Variants in DNAI3 observed in about 807,000 individuals in gnomAD.
The protein encoded by DNAI3 is dynein axonemal intermediate chain 3, also known as WD repeat domain 63.
Under a neutral mutation model 115.5 loss-of-function variants are expected in DNAI3, and 83 were observed. The observed-to-expected ratio is 0.72, with a 90% CI of 0.60 to 0.86. The LOEUF (loss-of-function observed/expected upper bound fraction) is 0.86, where lower values mean the gene tolerates loss of function less well. Ranked by LOEUF, DNAI3 falls within the 40% of genes least tolerant of loss-of-function variation. The pLI is 0.00. For missense variants in DNAI3, 1,004 were observed against 1,075.8 expected, an observed-to-expected ratio of 0.93 and a Z score of 0.93; for synonymous variants, 320 against 347.0, an observed-to-expected ratio of 0.92 and a Z score of 0.86.
intron 13 of DNAI3, chr1:85,099,348 C>T: frequency 1.1e-6 from 1 of 900,536 alleles, no homozygotes; most frequent in Non-Finnish European, 1.3e-6. Flanking sequence ...AGACAGAGAG[C>T]CAAATCATGA....
chr1:85,106,979 C>G (rs535889028), intron 14 of DNAI3, among the ~76,000 whole-genome samples: 1 of 152,260 alleles, frequency 6.6e-6, no homozygotes, highest in East Asian at 1.9e-4. Flanking sequence ...GGGGTGATTT[C>G]TTAGACATTA....
chr1:85,079,986 C>T (rs1218307907), intron 3 of DNAI3, among the ~76,000 whole-genome samples: 3 of 151,730 alleles, frequency 2.0e-5, no homozygotes, highest in African/African-American at 7.3e-5. Flanking sequence ...AAAAGAGAAG[C>T]CCTAAAGAGC....
chr1:85,130,171 G>T (rs1656271535), intron 22 of DNAI3, 59 bp downstream of exon 22: 2 of 1,603,820 alleles, frequency 1.2e-6, no homozygotes, highest in South Asian at 2.2e-5. Flanking sequence ...AAATATATTT[G>T]TTTGGCTTAA....
chr1:85,115,320 G>C (rs1655784683), intron 16 of DNAI3, among the ~76,000 whole-genome samples: 1 of 152,226 alleles, frequency 6.6e-6, no homozygotes, highest in African/African-American at 2.4e-5. Flanking sequence ...CCATGTGTGA[G>C]ACCTTGCATA....
chr1:85,108,415 CTG>C (rs923933062), intron 15 of DNAI3, among the ~76,000 whole-genome samples: 6 of 152,038 alleles, frequency 3.9e-5, no homozygotes, highest in African/African-American at 1.4e-4. Context: ...TTTGTGTAAT[CTG>C]TGTAATACAC....
At chr1:85,128,259 T>C (rs764840947) in intron 20 of DNAI3, among the ~76,000 whole-genome samples, 2 of 152,198 alleles carry the variant, frequency 1.3e-5, no homozygotes, top group African/African-American at 4.8e-5. Context: ...AGACCTGTGA[T>C]TCTGGCTACA....
At chr1:85,074,420 C>G (rs899240669) in intron 3 of DNAI3, among the ~76,000 whole-genome samples, 7 of 152,196 alleles carry the variant, frequency 4.6e-5, no homozygotes, top group Admixed American at 4.6e-4. Context: ...CTTCGCCAAC[C>G]TACAGCCCAT....
chr1:85,078,582 G>T (rs1456880728), intron 3 of DNAI3, among the ~76,000 whole-genome samples: 1 of 152,224 alleles, frequency 6.6e-6, no homozygotes, highest in Non-Finnish European at 1.5e-5. Context: ...TGGCCTCATT[G>T]CTGTAGCCTA....
chr1:85,072,611 C>T (rs1654310858), intron 2 of DNAI3, among the ~76,000 whole-genome samples: 1 of 146,096 alleles, frequency 6.8e-6, no homozygotes, highest in Admixed American at 7.0e-5. Flanking sequence ...CACTGCACTC[C>T]AGCCTGGGCA....
At chr1:85,080,283 C>T (rs1240419898) in intron 3 of DNAI3, among the ~76,000 whole-genome samples, 1 of 152,026 alleles carries the variant, frequency 6.6e-6, no homozygotes, top group Non-Finnish European at 1.5e-5. Flanking sequence ...GATCTCCTGA[C>T]CTCGTGATCC....
At chr1:85,112,350 A>C (rs1655684904) in intron 16 of DNAI3, among the ~76,000 whole-genome samples, 1 of 152,222 alleles carries the variant, frequency 6.6e-6, no homozygotes, top group South Asian at 2.1e-4. Flanking sequence ...GTTGATAAAC[A>C]TTTGGATTTT....
intron 3 of DNAI3, among the ~76,000 whole-genome samples, chr1:85,074,130 T>G (rs1350745001): frequency 6.6e-6 from 1 of 152,154 alleles, no homozygotes; most frequent in East Asian, 1.9e-4. Flanking sequence ...TCCACCTGTT[T>G]TAAAATATAT....
At position 85,088,116 on chromosome 1, in the gene DNAI3, A is replaced by G. The variant is rs533033508; in HGVS notation, c.741-2000A>G. On this transcript the variant is annotated intron_variant, in intron 7 of 22. Coordinates refer to ENST00000294664, the MANE Select transcript of DNAI3 (RefSeq NM_145172.5). ...GCAAGAGAGGAAGGAGAGAGGTGAT[A>G]TATTAGTACCAAATGAACTTGAATT... Among the ~76,000 whole-genome samples the G allele has an allele frequency of 2.1e-5, 3 of 145,498 alleles. No homozygotes were observed. The East Asian group carries it at 6.1e-4, about 29-fold the overall frequency.
At chr1:85,066,466 A>G (rs933132506) in intron 1 of DNAI3, among the ~76,000 whole-genome samples, 24 of 151,704 alleles carry the variant, frequency 1.6e-4, no homozygotes, top group South Asian at 2.1e-4. Flanking sequence ...AGCTGAGACT[A>G]CAGGCGCCTG....
Position 85,082,168 on chromosome 1 carries a change from A to T in DNAI3, c.286-132A>T, listed in dbSNP as rs1204412249. 7.2e-6 allele frequency: 5 copies of T among 698,328 alleles called. No homozygotes were observed. In the Admixed American group the frequency reaches 1.2e-4, roughly 17 times the overall value. The allele number at this position is 698,328 out of a possible 1,614,324, so 43.3% of individuals were successfully genotyped here. A position where few individuals can be genotyped will look rare whatever the true frequency, so the allele number is the denominator to read the frequency against. On this transcript the variant is annotated intron_variant, in intron 4 of 22. Coordinates refer to ENST00000294664, the MANE Select transcript of DNAI3 (RefSeq NM_145172.5). ...TAAAATAATTTTGCAATTTGGTGTT[A>T]TCAGCCATAGATTAGCACAATGGTT...
At chr1:85,084,475 T>TAA in intron 5 of DNAI3, 71 bp from the exon 6 acceptor site, 1 of 697,686 alleles carries the variant, frequency 1.4e-6, no homozygotes, top group Non-Finnish European at 1.9e-6. Context: ...TGTTGCAAAA[T>TAA]ATATATATAT....
intron 22 of DNAI3, among the ~76,000 whole-genome samples, chr1:85,132,076 A>G (rs1656342483): frequency 6.6e-6 from 1 of 152,196 alleles, no homozygotes; most frequent in Non-Finnish European, 1.5e-5. Flanking sequence ...TGAGAACATA[A>G]AAAAAGTCAC....
chr1:85,085,182 G>T (rs1654761884), intron 6 of DNAI3, among the ~76,000 whole-genome samples: 1 of 152,178 alleles, frequency 6.6e-6, no homozygotes, highest in Non-Finnish European at 1.5e-5. Flanking sequence ...TTCTCCCTCA[G>T]AGCCTTCAGA....
intron 13 of DNAI3, 84 bp from the exon 14 acceptor site, chr1:85,104,440 A>G: frequency 8.1e-7 from 1 of 1,235,542 alleles, no homozygotes; most frequent in South Asian, 1.3e-5. Flanking sequence ...TTTTATTAAC[A>G]TTTAAAACAA....
Sources: allele counts gnomAD v4.1 joint callset (sites outside exome capture counted in the v4.1 genomes callset), GRCh38; gene constraint gnomAD v4.1.1; transcripts MANE v1.5; gene names NCBI Gene and HGNC (gene_info 2026-07-23, HGNC 2026-07-21).